Variants in PLD1 observed in about 807,000 individuals in gnomAD.
PLD1 encodes phospholipase D1, also known as choline phosphatase 1.
In PLD1, 112 loss-of-function variants were observed where a neutral mutation model predicts 137.1. The ratio of observed to expected loss-of-function variants is 0.82; its 90% CI spans 0.70 to 0.96. The LOEUF is 0.96. Ranked by LOEUF, PLD1 falls within the 40% of genes least tolerant of loss-of-function variation. The probability of loss-of-function intolerance (pLI) is 0.00; values close to 1 mark genes in which losing one functional copy is unlikely to be tolerated. For synonymous variants in PLD1, 431 were observed against 454.7 expected (o/e 0.95, Z 0.66); for missense variants, 1,321 against 1,342.0 (o/e 0.98, Z 0.24).
At chr3:171,720,094 A>G (rs1426433248) in intron 8 of PLD1, among the ~76,000 whole-genome samples, 3 of 152,094 alleles carry the variant, frequency 2.0e-5, no homozygotes, top group Non-Finnish European at 4.4e-5. Flanking sequence ...CAGGAGTTCA[A>G]GACCAGCCTG....
At chr3:171,744,037 G>A (rs1281304213) in intron 1 of PLD1, among the ~76,000 whole-genome samples, 2 of 152,170 alleles carry the variant, frequency 1.3e-5, no homozygotes, top group East Asian at 3.8e-4. Context: ...AAGCCCCTGA[G>A]AGGCGTGTAA....
intron 23 of PLD1, among the ~76,000 whole-genome samples, chr3:171,630,794 CAT>C (rs1158716823): frequency 2.1e-5 from 3 of 141,850 alleles, no homozygotes; most frequent in Non-Finnish European, 4.5e-5. Context: ...TATTCTCACT[CAT>C]AGGTGGGAAC....
rs1347698085 is a variant in PLD1, at chr3:171,659,292, A to G, written c.2350T>C (p.Phe784Leu). ...ACTTTGTCATCAGCACAGCTTATGAAAAACTGGTTCTATGAGAAATAAACA... is the reference window on the plus strand; with the variant it reads ...ACTTTGTCATCAGCACAGCTTATGAGAAACTGGTTCTATGAGAAATAAACA... ...RHYIYIENQF[F>L]ISCADDKVVF... Residue 784 changes from phenylalanine (F) to leucine (L), a missense_variant, in exon 21 of 27, where the codon TTC (phenylalanine) becomes CTC (leucine). Coordinates refer to ENST00000351298, the MANE Select transcript of PLD1 (RefSeq NM_002662.5). 6.2e-7 allele frequency: 1 copy of G among 1,606,336 alleles called. No individual in the cohort carries two copies. Among genetic ancestry groups the G allele is most frequent in the Non-Finnish European group, 8.5e-7 (1 of 1,172,808 alleles).
intron 20 of PLD1, 64 bp downstream of exon 20, chr3:171,661,996 A>C (rs1202184748): frequency 3.3e-6 from 3 of 898,620 alleles, no homozygotes; most frequent in Non-Finnish European, 5.4e-6. Flanking sequence ...GGGGACCCTG[A>C]AATCTCTGCA....
intron 12 of PLD1, among the ~76,000 whole-genome samples, chr3:171,697,045 C>T (rs149183326): frequency 3.3e-5 from 5 of 152,232 alleles, no homozygotes; most frequent in East Asian, 1.9e-4. Context: ...AGTAAACAAG[C>T]GCATGCCAGC....
intron 6 of PLD1, among the ~76,000 whole-genome samples, chr3:171,726,349 G>A (rs1056190581): frequency 7.9e-5 from 12 of 152,146 alleles, no homozygotes; most frequent in African/African-American, 2.9e-4. Flanking sequence ...GAGAGAGAGA[G>A]AGAGAGTTTA....
intron 8 of PLD1, among the ~76,000 whole-genome samples, chr3:171,716,157 A>G (rs562210178): frequency 6.6e-6 from 1 of 152,226 alleles, no homozygotes; most frequent in African/African-American, 2.4e-5. Flanking sequence ...ATTTAGGTTG[A>G]TTCCATGTCT....
chr3:171,756,196 C>T (rs1474929668), intron 1 of PLD1, among the ~76,000 whole-genome samples: 1 of 152,210 alleles, frequency 6.6e-6, no homozygotes, highest in Non-Finnish European at 1.5e-5. Context: ...TACCTTTCCA[C>T]CCCCTTCTGC....
At chr3:171,738,167 C>A (rs1424927205) in intron 1 of PLD1, 85 bp from the exon 2 acceptor site, 1 of 756,662 alleles carries the variant, frequency 1.3e-6, no homozygotes, top group South Asian at 2.0e-5. Flanking sequence ...GACTTAGATA[C>A]AGCATATGGA....
Position 171,602,986 on chromosome 3 carries a change from C to A in PLD1, c.*92G>T. 1.1e-6 allele frequency: 1 copy of A among 897,468 alleles called. No homozygotes were observed. Among genetic ancestry groups the A allele is most frequent in the South Asian group, 1.5e-5 (1 of 68,856 alleles). The allele number at this position is 897,468 out of a possible 1,614,324, so 55.6% of individuals were successfully genotyped here. A position where few individuals can be genotyped will look rare whatever the true frequency, so the allele number is the denominator to read the frequency against. On this transcript the variant is annotated 3_prime_UTR_variant, in exon 27 of 27. Coordinates refer to ENST00000351298, the MANE Select transcript of PLD1 (RefSeq NM_002662.5). ...CCTTGGGTTGGATACGAGAATGCGT[C>A]AGGCCTGGCTTTGGCTATGACATCC...
At chr3:171,737,848 C>A in intron 2 of PLD1, 44 bp downstream of exon 2, 1 of 1,575,294 alleles carries the variant, frequency 6.3e-7, no homozygotes, top group Admixed American at 1.9e-5. Context: ...TCCGACCAAC[C>A]GAGATAAACT....
rs749248057 is a variant in PLD1, at chr3:171,642,840, G to A, written c.2593C>T (p.Leu865Phe). The A allele has an allele frequency of 1.1e-5, 17 of 1,552,698 alleles. No homozygotes were observed. The highest frequency in any genetic ancestry group is 9.3e-5 in the East Asian group (4 of 43,170). The change falls in exon 23 of 27, where the codon CTT becomes TTT. Residue 865 changes from leucine to phenylalanine, a missense_variant and splice_region_variant. By Grantham distance (22) the Leu-to-Phe change is conservative. Coordinates refer to ENST00000351298, the MANE Select transcript of PLD1 (RefSeq NM_002662.5). ...NSILGQLKAE[L>F]GNQWINYISF... ...TATGAGAAAAAAAGCAGTTACTTAC[G>A]CTCTGCTTTTAACTGTCCAAGGATG...
chr3:171,730,646 C>CG (rs1718866148), intron 6 of PLD1, among the ~76,000 whole-genome samples: 1 of 134,994 alleles, frequency 7.4e-6, no homozygotes, highest in African/African-American at 2.9e-5. Context: ...TCTATCTCCA[C>CG]TTTTTTTTTT....
At chr3:171,764,901 AAG>A (rs1560288858) in intron 1 of PLD1, among the ~76,000 whole-genome samples, 549 of 34,644 alleles carry the variant, frequency 0.016, 97 homozygotes, top group Middle Eastern at 0.071. Flanking sequence ...GAAAGGAAGG[AAG>A]GAAGGAAGGA....
chr3:171,758,516 T>G (rs1721183438), intron 1 of PLD1, among the ~76,000 whole-genome samples: 1 of 152,204 alleles, frequency 6.6e-6, no homozygotes, highest in Non-Finnish European at 1.5e-5. Flanking sequence ...TGGACTAGCC[T>G]CGTAGGCATC....
At chr3:171,619,948 A>G (rs1733451354) in intron 24 of PLD1, among the ~76,000 whole-genome samples, 1 of 152,224 alleles carries the variant, frequency 6.6e-6, no homozygotes. Context: ...GTAATAAAGA[A>G]TTAGTGAAAT....
intron 19 of PLD1, among the ~76,000 whole-genome samples, chr3:171,669,746 T>C (rs1712550766): frequency 6.6e-6 from 1 of 152,262 alleles, no homozygotes; most frequent in Non-Finnish European, 1.5e-5. Flanking sequence ...AGGCTGTTTT[T>C]GATGGAACTC....
At chr3:171,736,748 G>A (rs1395213309) in intron 3 of PLD1, among the ~76,000 whole-genome samples, 2 of 152,134 alleles carry the variant, frequency 1.3e-5, no homozygotes, top group Non-Finnish European at 2.9e-5. Flanking sequence ...AGGAGGCAGT[G>A]GTGGCCTTAC....
chr3:171,746,868 GC>G (rs1200165387), intron 1 of PLD1, among the ~76,000 whole-genome samples: 3 of 152,194 alleles, frequency 2.0e-5, no homozygotes, highest in South Asian at 2.1e-4. Context: ...ACCAGCTGGG[GC>G]CCCCTTCAAT....
Sources: gnomAD v4.1 joint callset for allele counts (sites outside exome capture counted in the v4.1 genomes callset) on GRCh38, gnomAD v4.1.1 for gene constraint, MANE v1.5 for transcripts, NCBI Gene and HGNC (gene_info 2026-07-23, HGNC 2026-07-21) for gene names.